MAGI2: variants seen among roughly 807,000 people sequenced by gnomAD.
MAGI2 encodes the protein membrane associated guanylate kinase, WW and PDZ domain containing 2, also known as membrane-associated guanylate kinase, WW and PDZ domain-containing protein 2.
Under a neutral mutation model 133.3 loss-of-function variants are expected in MAGI2, and 35 were observed. The observed-to-expected ratio is 0.26, with a 90% CI of 0.20 to 0.35. MAGI2 has a LOEUF of 0.35. Among genes scored for constraint, MAGI2 ranks in the 10% least tolerant of loss-of-function variants. The probability of loss-of-function intolerance (pLI) is 1.00; values close to 1 mark genes in which losing one functional copy is unlikely to be tolerated. For synonymous variants in MAGI2, 729 were observed against 710.6 expected (o/e 1.03, Z -0.41); for missense variants, 1,636 against 1,863.4 (o/e 0.88, Z 2.25).
intron 1 of MAGI2, among the ~76,000 whole-genome samples, chr7:79,292,941 C>A (rs1836624154): frequency 6.6e-6 from 1 of 152,140 alleles, no homozygotes; most frequent in African/African-American, 2.4e-5. Flanking sequence ...TTACCTCCAA[C>A]CTACATTACT....
chr7:78,521,144 T>C (rs1181114714), intron 4 of MAGI2, among the ~76,000 whole-genome samples: 5 of 152,060 alleles, frequency 3.3e-5, no homozygotes, highest in Non-Finnish European at 7.4e-5. Flanking sequence ...TAATATTATA[T>C]AATTGAAATA....
At chr7:78,353,454 G>A (rs1791730201) in intron 7 of MAGI2, among the ~76,000 whole-genome samples, 1 of 152,190 alleles carries the variant, frequency 6.6e-6, no homozygotes. Flanking sequence ...CTGGGACTAA[G>A]GAGTTTCCTG....
At chr7:78,986,449 A>G (rs1455282082) in intron 2 of MAGI2, among the ~76,000 whole-genome samples, 3 of 151,940 alleles carry the variant, frequency 2.0e-5, no homozygotes, top group Non-Finnish European at 4.4e-5. Context: ...AATAAAACCT[A>G]TTATCCTATT....
At chr7:78,831,434 CT>C (rs1453612168) in intron 2 of MAGI2, among the ~76,000 whole-genome samples, 4 of 151,196 alleles carry the variant, frequency 2.6e-5, no homozygotes, top group East Asian at 3.9e-4. Flanking sequence ...CAAATTCTCT[CT>C]CTGTCACCCA....
At chr7:78,246,966 C>T (rs1422613215) in intron 10 of MAGI2, among the ~76,000 whole-genome samples, 2 of 152,178 alleles carry the variant, frequency 1.3e-5, no homozygotes, top group Non-Finnish European at 1.5e-5. Context: ...CTATCCAACT[C>T]TGCCTCAGAG....
At chr7:78,660,284 A>T (rs991731795) in intron 2 of MAGI2, among the ~76,000 whole-genome samples, 17 of 151,076 alleles carry the variant, frequency 1.1e-4, no homozygotes, top group East Asian at 7.8e-4. Context: ...TAAAAATAAT[A>T]AAAAAAAAGA....
intron 1 of MAGI2, among the ~76,000 whole-genome samples, chr7:79,452,155 C>G (rs1327132518): frequency 6.6e-6 from 1 of 152,098 alleles, no homozygotes; most frequent in Non-Finnish European, 1.5e-5. Flanking sequence ...CAGAGGAGAG[C>G]CCAACCACAG....
chr7:78,976,190 T>C (rs572929154), intron 2 of MAGI2, among the ~76,000 whole-genome samples: 1 of 151,582 alleles, frequency 6.6e-6, no homozygotes. Flanking sequence ...CAAAATATTA[T>C]CAAGCCACAT....
intron 1 of MAGI2, among the ~76,000 whole-genome samples, chr7:79,151,126 A>G (rs1016989704): frequency 2.6e-5 from 4 of 152,270 alleles, no homozygotes; most frequent in South Asian, 4.1e-4. Context: ...TTTGTTGCAG[A>G]CGAAGATGGC....
At chr7:79,188,042 T>C (rs1266429137) in intron 1 of MAGI2, among the ~76,000 whole-genome samples, 1 of 151,886 alleles carries the variant, frequency 6.6e-6, no homozygotes, top group Admixed American at 6.6e-5. Context: ...GCACAAGACA[T>C]TAGTTGTTGT....
At chr7:78,204,307 C>T (rs964275587) in intron 10 of MAGI2, among the ~76,000 whole-genome samples, 7 of 152,172 alleles carry the variant, frequency 4.6e-5, no homozygotes, top group Non-Finnish European at 8.8e-5. Flanking sequence ...AACTATTACA[C>T]CTCGCTTGGC....
At chr7:78,892,450 G>A (rs1389134512) in intron 2 of MAGI2, among the ~76,000 whole-genome samples, 25 of 152,134 alleles carry the variant, frequency 1.6e-4, no homozygotes, top group South Asian at 1.0e-3. Context: ...GAACAAAGCC[G>A]GAGGCATCAT....
intron 2 of MAGI2, among the ~76,000 whole-genome samples, chr7:78,933,692 A>G (rs1800305954): frequency 6.6e-6 from 1 of 152,148 alleles, no homozygotes; most frequent in South Asian, 2.1e-4. Context: ...ACACTGCAAA[A>G]AAAGTGCCTA....
At chr7:78,609,625 A>G (rs1270050354) in intron 3 of MAGI2, among the ~76,000 whole-genome samples, 1 of 152,150 alleles carries the variant, frequency 6.6e-6, no homozygotes, top group Non-Finnish European at 1.5e-5. Flanking sequence ...GCTGTTATTG[A>G]TGACTACCTT....
At chr7:78,447,163 T>A (rs1788231210) in intron 6 of MAGI2, among the ~76,000 whole-genome samples, 1 of 152,088 alleles carries the variant, frequency 6.6e-6, no homozygotes, top group Non-Finnish European at 1.5e-5. Context: ...GGAAAATGGA[T>A]TTGTTTTTAT....
At chr7:78,636,716 T>C (rs1033259831) in intron 2 of MAGI2, among the ~76,000 whole-genome samples, 1 of 152,084 alleles carries the variant, frequency 6.6e-6, no homozygotes, top group African/African-American at 2.4e-5. Flanking sequence ...GAGAATGGCG[T>C]GAACCCGGGA....
Position 78,614,969 on chromosome 7 carries a change from G to C in MAGI2, c.538+12151C>G, listed in dbSNP as rs1274628780. Reference sequence around the variant, plus strand: ...GGAGAATCAATAGCTATGCGGGGTTGCAATATTTTGATTACCTCTGCCAGA... The same window carrying C: ...GGAGAATCAATAGCTATGCGGGGTTCCAATATTTTGATTACCTCTGCCAGA... On this transcript the variant is annotated intron_variant, in intron 3 of 21. Coordinates refer to ENST00000354212, the MANE Select transcript of MAGI2 (RefSeq NM_012301.4). The C allele has an allele frequency of 2.6e-5, 4 of 152,156 alleles. No homozygotes were observed. The East Asian group carries it at 5.8e-4, about 22-fold the overall frequency. The allele number at this position is 152,156 out of a possible 1,614,324, so 9.4% of individuals were successfully genotyped here.
chr7:78,643,046 T>C (rs1810475975), intron 2 of MAGI2, among the ~76,000 whole-genome samples: 1 of 152,186 alleles, frequency 6.6e-6, no homozygotes, highest in Non-Finnish European at 1.5e-5. Context: ...GGGAATCAAA[T>C]ATCCTATGGC....
At chr7:78,307,738 T>TTGATAACCTA (rs1171252871) in intron 9 of MAGI2, among the ~76,000 whole-genome samples, 2 of 152,080 alleles carry the variant, frequency 1.3e-5, no homozygotes, top group African/African-American at 4.8e-5. Context: ...TGGCTAAGAG[T>TTGATAACCTA]TGATAACCTA....
Sources: gnomAD v4.1 joint callset for allele counts (sites outside exome capture counted in the v4.1 genomes callset) on GRCh38, gnomAD v4.1.1 for gene constraint, MANE v1.5 for transcripts, NCBI Gene and HGNC (gene_info 2026-07-23, HGNC 2026-07-21) for gene names.